The following TARS3 variants were observed in gnomAD, a reference collection of about 807,000 sequenced individuals.
TARS3 encodes threonine--tRNA ligase 2, cytoplasmic.
TARS3 carries 94 observed loss-of-function variants against 103.5 expected under a neutral mutation model. That is an observed-to-expected ratio of 0.91 (90% CI 0.77 to 1.08). TARS3 has a LOEUF of 1.08. Among genes scored for constraint, TARS3 ranks in the 50% least tolerant of loss-of-function variants. The pLI, the probability that TARS3 is intolerant of heterozygous loss-of-function variation, is 0.00. For missense variants in TARS3, 952 were observed against 995.2 expected (o/e 0.96, Z 0.58); for synonymous variants, 416 against 355.4 (o/e 1.17, Z -1.92).
rs1003518663 is a variant in TARS3, at chr15:101,654,243, G to A, written c.*339C>T. 3 of 196,186 alleles carry A rather than the reference G, an allele frequency of 1.5e-5. No homozygotes were observed. Among genetic ancestry groups the A allele is most frequent in the Non-Finnish European group, 3.0e-5 (3 of 98,500 alleles). 12.2% of individuals were successfully genotyped at this position (196,186 alleles called of 1,614,324 possible). A position where few individuals can be genotyped will look rare whatever the true frequency, so the allele number is the denominator to read the frequency against. ...CCTCCTATTTAAAAAAAACTCTGCAGACTTTTATTTGAAGCCCATCTTTTG... is the reference window on the plus strand; with the variant it reads ...CCTCCTATTTAAAAAAAACTCTGCAAACTTTTATTTGAAGCCCATCTTTTG... On this transcript the variant is annotated 3_prime_UTR_variant, in exon 19 of 19. Coordinates refer to ENST00000335968, the MANE Select transcript of TARS3 (RefSeq NM_152334.3).
At chr15:101,707,010 G>A (rs989292258) in intron 6 of TARS3, among the ~76,000 whole-genome samples, 3 of 152,060 alleles carry the variant, frequency 2.0e-5, no homozygotes, top group Non-Finnish European at 2.9e-5. Flanking sequence ...ATGGGCAAAA[G>A]AGCTCAACAG....
At chr15:101,658,297 T>C in intron 16 of TARS3, among the ~76,000 whole-genome samples, 1 of 115,650 alleles carries the variant, frequency 8.6e-6, no homozygotes, top group Non-Finnish European at 1.7e-5. Flanking sequence ...CTGTGGAACG[T>C]GGAACACCAT....
intron 7 of TARS3, among the ~76,000 whole-genome samples, chr15:101,704,994 T>A (rs1416952665): frequency 6.6e-6 from 1 of 152,154 alleles, no homozygotes; most frequent in African/African-American, 2.4e-5. Context: ...GTGGTTATAA[T>A]TAAATAAATA....
intron 16 of TARS3, among the ~76,000 whole-genome samples, chr15:101,660,576 C>T (rs1423203483): frequency 6.6e-6 from 1 of 152,250 alleles, no homozygotes; most frequent in East Asian, 1.9e-4. Context: ...AGTCTCTCTT[C>T]AGTGAGAATG....
chr15:101,676,030 G>A (rs570671156), intron 12 of TARS3, among the ~76,000 whole-genome samples: 1 of 152,186 alleles, frequency 6.6e-6, no homozygotes, highest in Non-Finnish European at 1.5e-5. Flanking sequence ...CTGCAGCAGG[G>A]GACAAGCAAA....
At chr15:101,714,342 A>G (rs1432188163) in intron 4 of TARS3, among the ~76,000 whole-genome samples, 1 of 152,130 alleles carries the variant, frequency 6.6e-6, no homozygotes, top group Non-Finnish European at 1.5e-5. Flanking sequence ...AGTGGCTCAC[A>G]CCTGTAATCC....
chr15:101,722,863 G>A (rs913062559), intron 2 of TARS3, among the ~76,000 whole-genome samples: 2 of 151,446 alleles, frequency 1.3e-5, no homozygotes, highest in Non-Finnish European at 2.9e-5. Context: ...ACCAACTCTA[G>A]TACTCTAGTA....
intron 10 of TARS3, among the ~76,000 whole-genome samples, chr15:101,688,298 G>C (rs2141411142): frequency 6.6e-6 from 1 of 152,218 alleles, no homozygotes; most frequent in South Asian, 2.1e-4. Context: ...AACTTTTCAA[G>C]AGAAAAAGTT....
At chr15:101,662,713 C>T (rs1897430938) in intron 15 of TARS3, among the ~76,000 whole-genome samples, 1 of 152,140 alleles carries the variant, frequency 6.6e-6, no homozygotes, top group Admixed American at 6.5e-5. Flanking sequence ...AAAATTGAAA[C>T]CAGTATGAAA....
intron 18 of TARS3, chr15:101,655,882 G>A: frequency 7.8e-7 from 1 of 1,287,608 alleles, no homozygotes; most frequent in Non-Finnish European, 1.0e-6. Flanking sequence ...GAGCCAAGGA[G>A]TGGACACCAG....
chr15:101,708,681 G>C, intron 6 of TARS3, 112 bp downstream of exon 6: 1 of 768,834 alleles, frequency 1.3e-6, no homozygotes, highest in South Asian at 1.5e-5. Flanking sequence ...AGCTTAACAG[G>C]ATTGGAATAA....
In TARS3 at chr15:101,690,557, T is replaced by G. The variant is rs182102424; in HGVS notation, c.1321-4495A>C. On this transcript the variant is annotated intron_variant, in intron 10 of 18. Coordinates refer to ENST00000335968, the MANE Select transcript of TARS3 (RefSeq NM_152334.3). ...TGCTTTTACCTATAAAAAGAAAGGA[T>G]ACACTATACATTTACTCTGTCACTT... Among the ~76,000 whole-genome samples the G allele has an allele frequency of 9.8e-5, 15 of 152,314 alleles. No homozygotes were observed. In the East Asian group the frequency reaches 1.7e-3, roughly 18 times the overall value.
intron 16 of TARS3, among the ~76,000 whole-genome samples, chr15:101,658,727 T>C (rs1897270569): frequency 6.6e-6 from 1 of 152,206 alleles, no homozygotes; most frequent in Admixed American, 6.5e-5. Context: ...TGTGATATTG[T>C]ATCTAGTTTT....
At position 101,724,151 on chromosome 15, in the gene TARS3, C is replaced by A; in HGVS notation, c.237G>T (p.Arg79=). ...CSLRLCLAEE[R]SRQATLESAE... The stretch of plus-strand genomic sequence containing the variant: ...CGCTCTCCAGCGTGGCCTGGCGGCT[C>A]CGCTCCTCGGCGAGGCACAGCCGCA... Residue 79 remains arginine, a synonymous_variant, in exon 1 of 19, where the codon CGG becomes CGT. Coordinates refer to ENST00000335968, the MANE Select transcript of TARS3 (RefSeq NM_152334.3). The A allele has an allele frequency of 6.8e-7, 1 of 1,467,890 alleles. No homozygotes were observed. The highest frequency in any genetic ancestry group is 9.0e-7 in the Non-Finnish European group (1 of 1,111,040). The allele number at this position is 1,467,890 out of a possible 1,614,324, so 90.9% of individuals were successfully genotyped here.
intron 10 of TARS3, among the ~76,000 whole-genome samples, chr15:101,694,778 A>T (rs1047812750): frequency 1.3e-5 from 2 of 152,260 alleles, no homozygotes; most frequent in African/African-American, 4.8e-5. Context: ...GACTTTTAAA[A>T]AGATAGTTTT....
At chr15:101,694,553 A>G (rs1898876556) in intron 10 of TARS3, among the ~76,000 whole-genome samples, 1 of 152,208 alleles carries the variant, frequency 6.6e-6, no homozygotes, top group Non-Finnish European at 1.5e-5. Flanking sequence ...AACCAACTGG[A>G]ACCTCAGGGA....
At chr15:101,697,517 A>G (rs962944501) in intron 10 of TARS3, among the ~76,000 whole-genome samples, 1 of 152,196 alleles carries the variant, frequency 6.6e-6, no homozygotes, top group African/African-American at 2.4e-5. Context: ...ACGTGAAACT[A>G]ATTAACTTTT....
At chr15:101,716,307 T>C (rs935822968) in intron 3 of TARS3, among the ~76,000 whole-genome samples, 5 of 152,226 alleles carry the variant, frequency 3.3e-5, no homozygotes, top group African/African-American at 7.2e-5. Flanking sequence ...TGTTTGAAAA[T>C]TGTTGACAAA....
intron 9 of TARS3, 131 bp downstream of exon 9, chr15:101,702,108 A>G: frequency 1.0e-6 from 1 of 962,292 alleles, no homozygotes; most frequent in East Asian, 2.4e-5. Flanking sequence ...TGAGCAGCGG[A>G]CTGTGAGTGC....
Sources: gnomAD v4.1 joint callset for allele counts (sites outside exome capture counted in the v4.1 genomes callset) on GRCh38, gnomAD v4.1.1 for gene constraint, MANE v1.5 for transcripts, NCBI Gene and HGNC (gene_info 2026-07-23, HGNC 2026-07-21) for gene names.